SHISA6: variants seen among roughly 807,000 people sequenced by gnomAD.
SHISA6 encodes shisa family member 6, also known as protein shisa-6.
Under a neutral mutation model 47.9 loss-of-function variants are expected in SHISA6, and 22 were observed. The ratio of observed to expected loss-of-function variants is 0.46; its 90% confidence interval spans 0.33 to 0.66. The LOEUF is 0.66. SHISA6 is among the 30% of genes least tolerant of loss of function. The pLI is 0.02. For synonymous variants in SHISA6, 388 were observed against 337.8 expected, an observed-to-expected ratio of 1.15 and a Z score of -1.63; for missense variants, 680 against 764.6, an observed-to-expected ratio of 0.89 and a Z score of 1.30.
At chr17:11,556,478 A>G (rs1364846226) in intron 5 of SHISA6, among the ~76,000 whole-genome samples, 1 of 152,082 alleles carries the variant, frequency 6.6e-6, no homozygotes, top group Non-Finnish European at 1.5e-5. Context: ...ATGTCAAAAA[A>G]TTTCCCTAAA....
intron 3 of SHISA6, among the ~76,000 whole-genome samples, chr17:11,381,720 G>GCAGA (rs1913015783): frequency 6.6e-6 from 1 of 152,204 alleles, no homozygotes; most frequent in African/African-American, 2.4e-5. Flanking sequence ...ATCCCTGTCT[G>GCAGA]TTCTTTCAGT....
chr17:11,292,256 T>A (rs1446358878), intron 2 of SHISA6, among the ~76,000 whole-genome samples: 1 of 152,080 alleles, frequency 6.6e-6, no homozygotes, highest in Non-Finnish European at 1.5e-5. Flanking sequence ...CATTAACATA[T>A]GAATTTTGTC....
chr17:11,369,790 G>A (rs1043787240), intron 2 of SHISA6, among the ~76,000 whole-genome samples: 10 of 152,148 alleles, frequency 6.6e-5, no homozygotes, highest in African/African-American at 2.4e-4. Context: ...CAAGAATTTG[G>A]TTAAGCTCTG....
At chr17:11,430,088 T>A (rs1217117302) in intron 3 of SHISA6, among the ~76,000 whole-genome samples, 1 of 152,170 alleles carries the variant, frequency 6.6e-6, no homozygotes, top group Admixed American at 6.5e-5. Flanking sequence ...AAACTGAGGA[T>A]CACAGACTTC....
At chr17:11,442,563 G>A (rs912708683) in intron 3 of SHISA6, among the ~76,000 whole-genome samples, 1 of 152,138 alleles carries the variant, frequency 6.6e-6, no homozygotes, top group African/African-American at 2.4e-5. Context: ...ACTAATAATG[G>A]TACCTCCCTT....
At chr17:11,357,915 G>C (rs751268320) in intron 2 of SHISA6, among the ~76,000 whole-genome samples, 4 of 152,102 alleles carry the variant, frequency 2.6e-5, no homozygotes, top group Non-Finnish European at 5.9e-5. Flanking sequence ...CTTCTTTTCT[G>C]AATTGCCTGT....
At chr17:11,365,929 A>G (rs1323599404) in intron 2 of SHISA6, among the ~76,000 whole-genome samples, 1 of 152,238 alleles carries the variant, frequency 6.6e-6, no homozygotes, top group Non-Finnish European at 1.5e-5. Context: ...ATAAAAATCT[A>G]AATGATTAAC....
chr17:11,258,091 A>G (rs1475320202), intron 1 of SHISA6, among the ~76,000 whole-genome samples: 1 of 152,238 alleles, frequency 6.6e-6, no homozygotes, highest in Non-Finnish European at 1.5e-5. Flanking sequence ...AGTCCTTAGA[A>G]ATAAGAACAT....
chr17:11,492,457 G>T (rs2071372078), intron 3 of SHISA6, among the ~76,000 whole-genome samples: 1 of 152,156 alleles, frequency 6.6e-6, no homozygotes, highest in African/African-American at 2.4e-5. Flanking sequence ...CCTTTTACCA[G>T]CAGTCAATAT....
At chr17:11,522,300 G>T (rs1451134427) in intron 3 of SHISA6, among the ~76,000 whole-genome samples, 1 of 151,998 alleles carries the variant, frequency 6.6e-6, no homozygotes, top group Non-Finnish European at 1.5e-5. Context: ...GGGTCGCTTT[G>T]TCGCCCAGAC....
intron 2 of SHISA6, among the ~76,000 whole-genome samples, chr17:11,277,495 ACAGAT>A (rs1908967453): frequency 6.6e-6 from 1 of 152,206 alleles, no homozygotes; most frequent in Non-Finnish European, 1.5e-5. Context: ...TGCATTTTGC[ACAGAT>A]CTTGGCACTT....
chr17:11,279,505 G>T (rs2142159777), intron 2 of SHISA6, among the ~76,000 whole-genome samples: 1 of 152,146 alleles, frequency 6.6e-6, no homozygotes, highest in African/African-American at 2.4e-5. Context: ...TTCAGGACCG[G>T]AAACTCTGCA....
chr17:11,542,654 A>C (rs2071844013), intron 3 of SHISA6, among the ~76,000 whole-genome samples: 1 of 152,082 alleles, frequency 6.6e-6, no homozygotes, highest in Admixed American at 6.5e-5. Context: ...AGATAAAGGG[A>C]GTTATTTGTT....
chr17:11,398,605 T>A (rs1913657039), intron 3 of SHISA6, among the ~76,000 whole-genome samples: 1 of 151,398 alleles, frequency 6.6e-6, no homozygotes, highest in Non-Finnish European at 1.5e-5. Context: ...TTTTTGTTGT[T>A]TTTTTTTTGA....
chr17:11,341,066 C>T (rs2142212736), intron 2 of SHISA6, among the ~76,000 whole-genome samples: 1 of 152,254 alleles, frequency 6.6e-6, no homozygotes, highest in East Asian at 1.9e-4. Context: ...CCAATCCTGC[C>T]CCACCTTCTG....
In SHISA6 at chr17:11,555,908, C is replaced by G; in HGVS notation, c.1105+16C>G. 8 of 1,511,612 alleles carry G rather than the reference C, an allele frequency of 5.3e-6. No individual in the cohort carries two copies. Among genetic ancestry groups the G allele is most frequent in the Non-Finnish European group, 7.1e-6 (8 of 1,125,294 alleles). 93.6% of individuals were successfully genotyped at this position (1,511,612 alleles called of 1,614,324 possible). ...AAGAGGCTAAGTAAGTTGAATTTCC[C>G]CCAAGTTGGGGTCTGTCTCTGGGGC... On this transcript the variant is annotated intron_variant, in intron 5 of 5. Coordinates refer to ENST00000441885, the MANE Select transcript of SHISA6 (RefSeq NM_207386.4).
At chr17:11,279,098 C>T (rs1345711111) in intron 2 of SHISA6, among the ~76,000 whole-genome samples, 1 of 152,166 alleles carries the variant, frequency 6.6e-6, no homozygotes, top group Non-Finnish European at 1.5e-5. Context: ...TGGCTTCACT[C>T]CTTGTGGTGC....
chr17:11,268,669 G>A (rs1016026619), intron 2 of SHISA6, among the ~76,000 whole-genome samples: 1 of 152,030 alleles, frequency 6.6e-6, no homozygotes, highest in African/African-American at 2.4e-5. Context: ...TACATTTGTC[G>A]GTTCATGTGT....
At chr17:11,483,823 G>A (rs921532269) in intron 3 of SHISA6, among the ~76,000 whole-genome samples, 3 of 152,156 alleles carry the variant, frequency 2.0e-5, no homozygotes, top group Non-Finnish European at 4.4e-5. Context: ...AGGAGTGGTG[G>A]TGTGCGCCTG....
Sources: allele counts gnomAD v4.1 joint callset (sites outside exome capture counted in the v4.1 genomes callset), GRCh38; gene constraint gnomAD v4.1.1; transcripts MANE v1.5; gene names NCBI Gene and HGNC (gene_info 2026-07-23, HGNC 2026-07-21).